The following NRAP variants were observed in gnomAD, a reference collection of about 807,000 sequenced individuals.
NRAP encodes nebulin-related-anchoring protein.
NRAP carries 189 observed loss-of-function variants against 225.9 expected under a neutral mutation model. That is an observed-to-expected ratio of 0.84 (90% CI 0.74 to 0.94). NRAP has a LOEUF of 0.94. NRAP is among the 40% of genes least tolerant of loss of function. The probability of loss-of-function intolerance (pLI) is 0.00; values close to 1 mark genes in which losing one functional copy is unlikely to be tolerated. For synonymous variants in NRAP, 769 were observed against 790.7 expected, an observed-to-expected ratio of 0.97 and a Z score of 0.46; for missense variants, 2,176 against 2,168.7, an observed-to-expected ratio of 1.00 and a Z score of -0.07.
In NRAP at chr10:113,599,847, C is replaced by T. The variant is rs144072804; in HGVS notation, c.4228-1774G>A. Among the ~76,000 whole-genome samples, 9 of 152,284 alleles carry T rather than the reference C, an allele frequency of 5.9e-5. 1 individual carries two copies. The highest frequency in any genetic ancestry group is 2.2e-4 in the African/African-American group (9 of 41,570). ...AGCTGAATCTGGCTTCCCCAAATGGCAGCCTCACTTTTTTTCCCCTCTTAC... is the reference window on the plus strand; with the variant it reads ...AGCTGAATCTGGCTTCCCCAAATGGTAGCCTCACTTTTTTTCCCCTCTTAC... On this transcript the variant is annotated intron_variant, in intron 35 of 41. Coordinates refer to ENST00000359988, the MANE Select transcript of NRAP (RefSeq NM_198060.4).
At chr10:113,643,846 G>A (rs995513358) in intron 11 of NRAP, among the ~76,000 whole-genome samples, 1 of 152,158 alleles carries the variant, frequency 6.6e-6, no homozygotes, top group African/African-American at 2.4e-5. Flanking sequence ...ACTATATGGT[G>A]GGGGTATGTC....
chr10:113,634,079 C>T lies in NRAP; in HGVS notation c.1527+33G>A, dbSNP rs780725787. 3 of 1,456,690 alleles carry T rather than the reference C, an allele frequency of 2.1e-6. No individual in the cohort carries two copies. In the African/African-American group the frequency reaches 4.2e-5, roughly 20 times the overall value. 90.2% of individuals were successfully genotyped at this position (1,456,690 alleles called of 1,614,324 possible). ...GCCTCAAAGCAGCAATTTCAAGACC[C>T]CTACATCCAGCTGGGCAGGGACAGT... On this transcript the variant is annotated intron_variant, in intron 15 of 41. Transcript: ENST00000359988.
chr10:113,636,784 G>A (rs2134068174), intron 14 of NRAP, among the ~76,000 whole-genome samples: 1 of 152,324 alleles, frequency 6.6e-6, no homozygotes, highest in South Asian at 2.1e-4. Context: ...CGAGGCAGGA[G>A]GATCACGAGG....
intron 3 of NRAP, among the ~76,000 whole-genome samples, chr10:113,659,446 A>G (rs904411613): frequency 6.6e-6 from 1 of 152,204 alleles, no homozygotes; most frequent in Admixed American, 6.5e-5. Context: ...CACAGGACCA[A>G]AAGACCAAAA....
chr10:113,599,557 T>C (rs1564699782), intron 35 of NRAP, among the ~76,000 whole-genome samples: 1 of 152,166 alleles, frequency 6.6e-6, no homozygotes, highest in Non-Finnish European at 1.5e-5. Context: ...AGCTGAACAG[T>C]ACGATCCCAG....
At position 113,654,047 on chromosome 10, in the gene NRAP, C is replaced by A. The variant is rs148205387; in HGVS notation, c.439G>T (p.Val147Phe). Residue 147 changes from valine to phenylalanine, a missense_variant, in exon 5 of 42, where the codon GTT (valine) becomes TTT (phenylalanine). By Grantham distance (50) the Val-to-Phe change is conservative. Coordinates refer to ENST00000359988, the MANE Select transcript of NRAP (RefSeq NM_198060.4). The part of the protein sequence containing the change: ...ALPDPEIVRM[V>F]EARKSLGEEY... ...TCACCAAGAGACTTTCGAGCCTCAA[C>A]CATCCTTACAATTTCGGGGTCTGGC... 1.9e-6 allele frequency: 3 copies of A among 1,613,474 alleles called. No homozygotes were observed. The highest frequency in any genetic ancestry group is 1.1e-5 in the South Asian group (1 of 91,072).
intron 28 of NRAP, among the ~76,000 whole-genome samples, 168 bp from the exon 29 acceptor site, chr10:113,614,464 C>T (rs952750117): frequency 6.6e-6 from 1 of 152,150 alleles, no homozygotes; most frequent in African/African-American, 2.4e-5. Context: ...TGCAAGACTC[C>T]CAATGACTAA....
chr10:113,661,921 T>C (rs1321476709), intron 3 of NRAP, among the ~76,000 whole-genome samples: 1 of 152,236 alleles, frequency 6.6e-6, no homozygotes, highest in African/African-American at 2.4e-5. Flanking sequence ...AAAGTCAAGA[T>C]CCTTGTAATA....
chr10:113,635,096 A>G (rs3127094), intron 14 of NRAP, among the ~76,000 whole-genome samples: 84,315 of 152,140 alleles, frequency 0.55, 24,620 homozygotes, highest in East Asian at 0.73. Context: ...CAAGACATCA[A>G]GGACTAGGAA....
intron 4 of NRAP, 55 bp from the exon 5 acceptor site, chr10:113,654,180 A>T: frequency 1.0e-6 from 1 of 957,356 alleles, no homozygotes; most frequent in Non-Finnish European, 1.7e-6. Flanking sequence ...TCCCAGCAAC[A>T]CTTACATACA....
chr10:113,589,607 G>C, intron 41 of NRAP, 59 bp downstream of exon 41: 1 of 1,556,000 alleles, frequency 6.4e-7, no homozygotes, highest in East Asian at 2.3e-5. Context: ...AAGAAACAAT[G>C]AGTTTGTCTT....
chr10:113,657,462 T>G lies in NRAP; in HGVS notation c.360+8A>C, dbSNP rs773168108. The stretch of plus-strand genomic sequence containing the variant: ...TTTTTCCAAACCCACTTGTCACTTT[T>G]CTCTCACCTCATTTGCCAGTGGCTG... On this transcript the variant is annotated splice_region_variant and intron_variant, in intron 4 of 41. Transcript: ENST00000359988. 1 of 1,408,002 alleles carries G rather than the reference T, an allele frequency of 7.1e-7. No individual in the cohort carries two copies. The highest frequency in any genetic ancestry group is 1.0e-6 in the Non-Finnish European group (1 of 992,478). 87.2% of individuals were successfully genotyped at this position (1,408,002 alleles called of 1,614,324 possible). A position where few individuals can be genotyped will look rare whatever the true frequency, so the allele number is the denominator to read the frequency against.
At chr10:113,592,423 C>G in intron 38 of NRAP, 122 bp from the exon 39 acceptor site, 1 of 558,474 alleles carries the variant, frequency 1.8e-6, no homozygotes, top group Non-Finnish European at 3.1e-6. Context: ...CAGCCTATAG[C>G]TCCATGTCCA....
chr10:113,621,803 AC>A, intron 24 of NRAP, 65 bp downstream of exon 24: 1 of 1,463,024 alleles, frequency 6.8e-7, no homozygotes, highest in Non-Finnish European at 9.4e-7. Flanking sequence ...TTAGGGAAAC[AC>A]TTGCACTAGC....
At chr10:113,648,808 G>A (rs147308832) in intron 9 of NRAP, among the ~76,000 whole-genome samples, 23 of 152,130 alleles carry the variant, frequency 1.5e-4, no homozygotes, top group East Asian at 3.9e-4. Flanking sequence ...CAATCAAATC[G>A]TCCTACTAAT....
chr10:113,618,822 T>C (rs1424967742), intron 25 of NRAP, among the ~76,000 whole-genome samples: 1 of 152,158 alleles, frequency 6.6e-6, no homozygotes, highest in Non-Finnish European at 1.5e-5. Flanking sequence ...GGTGGGTGCC[T>C]GTCATCTCAG....
chr10:113,629,105 A>T (rs1262938352), intron 19 of NRAP, 84 bp from the exon 20 acceptor site: 2 of 1,002,396 alleles, frequency 2.0e-6, no homozygotes, highest in East Asian at 2.4e-5. Context: ...GAAGATCTTG[A>T]TCCTGCATTT....
chr10:113,624,649 C>T (rs756547207), intron 22 of NRAP, among the ~76,000 whole-genome samples, 177 bp downstream of exon 22: 2 of 152,222 alleles, frequency 1.3e-5, no homozygotes, highest in Non-Finnish European at 2.9e-5. Context: ...CTGTCCTCCT[C>T]TCCCCCTAAA....
chr10:113,631,853 G>C lies in NRAP; in HGVS notation c.1740+4C>G. ...CATTCCTGAGTTAATGAGAGGAAAC[G>C]TACATTGCTAGCAAGCTCCCCAGAG... On this transcript the variant is annotated splice_donor_region_variant and intron_variant, in intron 17 of 41. Coordinates refer to ENST00000359988, the MANE Select transcript of NRAP (RefSeq NM_198060.4). 6.3e-7 allele frequency: 1 copy of C among 1,580,404 alleles called. No individual in the cohort carries two copies. The highest frequency in any genetic ancestry group is 8.7e-7 in the Non-Finnish European group (1 of 1,149,460).
Sources: gnomAD v4.1 joint callset for allele counts (sites outside exome capture counted in the v4.1 genomes callset) on GRCh38, gnomAD v4.1.1 for gene constraint, MANE v1.5 for transcripts, NCBI Gene and HGNC (gene_info 2026-07-23, HGNC 2026-07-21) for gene names.